USP34: variants seen among roughly 807,000 people sequenced by gnomAD.
USP34 encodes ubiquitin specific peptidase 34.
In USP34, 70 loss-of-function variants were observed where a neutral mutation model predicts 460.3. The observed-to-expected ratio is 0.15, with a 90% CI of 0.13 to 0.19. The LOEUF (loss-of-function observed/expected upper bound fraction) is 0.19, where lower values mean the gene tolerates loss of function less well. Ranked by LOEUF, USP34 falls within the 10% of genes least tolerant of loss-of-function variation. The pLI, the probability that USP34 is intolerant of heterozygous loss-of-function variation, is 1.00. For synonymous variants in USP34, 1,647 were observed against 1,405.3 expected, an observed-to-expected ratio of 1.17 and a Z score of -3.85; for missense variants, 3,985 against 4,236.2, an observed-to-expected ratio of 0.94 and a Z score of 1.65.
Position 61,236,035 on chromosome 2 carries a change from A to G in USP34, c.6957T>C (p.Ser2319=), listed in dbSNP as rs202150039. ...AGTAGAAAACACATACCTTTTCTTT[A>G]GAATGAATAAATGTCTCTAGGACAA... The part of the protein sequence containing the change: ...TSFVLETFIH[S]KEKPTMLQWI... Residue 2319 remains serine (S), a synonymous_variant, in exon 56 of 80, where the codon TCT becomes TCC. Transcript: ENST00000398571. 4.4e-6 allele frequency: 7 copies of G among 1,606,070 alleles called. 1 individual carries two copies. The highest frequency in any genetic ancestry group is 1.1e-5 in the South Asian group (1 of 88,878).
chr2:61,426,592 C>T (rs1433770859), intron 1 of USP34, among the ~76,000 whole-genome samples: 1 of 152,236 alleles, frequency 6.6e-6, no homozygotes, highest in Non-Finnish European at 1.5e-5. Context: ...AGTATCTTAA[C>T]TCCCAGACAA....
chr2:61,226,994 C>T (rs1414724108), intron 62 of USP34, 73 bp downstream of exon 62: 1 of 1,482,482 alleles, frequency 6.7e-7, no homozygotes, highest in African/African-American at 1.4e-5. Context: ...AGTGGAAAAA[C>T]TAGTGGTAAA....
At chr2:61,216,290 T>C (rs1219091474) in intron 67 of USP34, among the ~76,000 whole-genome samples, 4 of 152,194 alleles carry the variant, frequency 2.6e-5, no homozygotes, top group Admixed American at 2.0e-4. Flanking sequence ...TCAAGAAAAG[T>C]AATTTACGAT....
intron 62 of USP34, 156 bp from the exon 63 acceptor site, chr2:61,223,452 C>T (rs542123013): frequency 7.9e-4 from 567 of 721,612 alleles, no homozygotes; most frequent in Non-Finnish European, 1.1e-3. Context: ...TGCTAAATGT[C>T]TTTTGGGCAA....
At chr2:61,313,230 T>G (rs541261717) in intron 25 of USP34, among the ~76,000 whole-genome samples, 2 of 152,182 alleles carry the variant, frequency 1.3e-5, no homozygotes, top group East Asian at 3.9e-4. Flanking sequence ...ATCAAGGACA[T>G]AACAATTTTT....
chr2:61,344,861 G>A (rs1691716235), intron 15 of USP34, among the ~76,000 whole-genome samples: 1 of 152,186 alleles, frequency 6.6e-6, no homozygotes, highest in Admixed American at 6.5e-5. Context: ...GATATTTTTG[G>A]TTGTCAAAAC....
At position 61,315,642 on chromosome 2, in the gene USP34, T is replaced by C. The variant is rs192263654; in HGVS notation, c.3283-668A>G. Among the ~76,000 whole-genome samples, 360 of 151,870 alleles carry C rather than the reference T, an allele frequency of 2.4e-3. 3 individuals carry two copies. Among genetic ancestry groups the C allele is most frequent in the African/African-American group, 7.1e-3 (294 of 41,412 alleles). ...CACCCGCCTCAGCCTCTCAAAGAGGTGGAATTACAGGTGTGAGCCACTGCG... is the reference window on the plus strand; with the variant it reads ...CACCCGCCTCAGCCTCTCAAAGAGGCGGAATTACAGGTGTGAGCCACTGCG... On this transcript the variant is annotated intron_variant, in intron 23 of 79. Transcript: ENST00000398571.
chr2:61,257,766 G>A (rs763764021), intron 44 of USP34, among the ~76,000 whole-genome samples: 13 of 152,046 alleles, frequency 8.6e-5, no homozygotes, highest in Non-Finnish European at 1.8e-4. Context: ...AACTAGCTGG[G>A]TGCGGTTGCG....
intron 43 of USP34, among the ~76,000 whole-genome samples, chr2:61,263,004 G>A (rs143652819): frequency 3.1e-4 from 47 of 151,512 alleles, no homozygotes; most frequent in African/African-American, 1.1e-3. Context: ...GTCTGTTCAT[G>A]TCCTTTGTCC....
chr2:61,247,741 T>A (rs553706305), intron 49 of USP34, among the ~76,000 whole-genome samples: 2 of 152,294 alleles, frequency 1.3e-5, no homozygotes, highest in African/African-American at 4.8e-5. Context: ...AATGTATACA[T>A]ACAATGCCCA....
At chr2:61,393,429 T>TAA (rs33954205) in intron 5 of USP34, among the ~76,000 whole-genome samples, 46,648 of 129,382 alleles carry the variant, frequency 0.36, 8,176 homozygotes, top group Admixed American at 0.4. Flanking sequence ...AGACTCCGTC[T>TAA]AAAAAAAAAA....
chr2:61,398,350 G>T (rs1693601084), intron 3 of USP34, among the ~76,000 whole-genome samples: 1 of 151,452 alleles, frequency 6.6e-6, no homozygotes. Context: ...ATGAGTGACA[G>T]AGTGAGACCT....
intron 67 of USP34, 142 bp from the exon 68 acceptor site, chr2:61,214,836 T>C (rs1687355008): frequency 1.0e-6 from 1 of 978,326 alleles, no homozygotes; most frequent in African/African-American, 1.7e-5. Flanking sequence ...AGTATCTTTC[T>C]GCTTTCCCCT....
chr2:61,251,677 C>CT (rs1293406343), intron 48 of USP34, among the ~76,000 whole-genome samples: 2 of 152,084 alleles, frequency 1.3e-5, no homozygotes, highest in African/African-American at 4.8e-5. Context: ...TTTGTGTGCT[C>CT]TTAAAAATCA....
intron 10 of USP34, among the ~76,000 whole-genome samples, chr2:61,367,325 C>T (rs1054689987): frequency 2.7e-5 from 4 of 150,504 alleles, no homozygotes; most frequent in Non-Finnish European, 6.0e-5. Flanking sequence ...CACACACGCG[C>T]GCGCACACAC....
intron 20 of USP34, 96 bp from the exon 21 acceptor site, chr2:61,325,553 T>C: frequency 1.5e-6 from 1 of 653,278 alleles, no homozygotes; most frequent in Non-Finnish European, 2.3e-6. Context: ...CCAAAAATTG[T>C]TTTAATAATT....
chr2:61,259,772 G>A lies in USP34; in HGVS notation c.5783C>T (p.Ser1928Leu). The A allele has an allele frequency of 6.2e-6, 10 of 1,612,560 alleles. No homozygotes were observed. The highest frequency in any genetic ancestry group is 7.6e-6 in the Non-Finnish European group (9 of 1,179,668). The part of the protein sequence containing the change: ...ARQAVFTAKY[S>L]EDMKHKTTLL... ...AGTGGTCTTGTGCTTCATATCCTCT[G>A]AATACTGAAAATCAAGAGAAAACAC... The change falls in exon 44 of 80, where the codon TCA (serine) becomes TTA (leucine). Residue 1928 changes from serine (S) to leucine (L), a missense_variant. By Grantham distance (145) the Ser-to-Leu change is moderately radical. Around this residue, in one of 14 missense-constraint regions of USP34, gnomAD observed 145 missense variants for 291.6 expected, o/e 0.50. Coordinates refer to ENST00000398571, the MANE Select transcript of USP34 (RefSeq NM_014709.4).
chr2:61,292,675 CAAAA>C (rs771344467), intron 33 of USP34, among the ~76,000 whole-genome samples: 4 of 151,956 alleles, frequency 2.6e-5, no homozygotes, highest in Admixed American at 1.3e-4. Context: ...CAAAACAAAA[CAAAA>C]AACCACAGGA....
chr2:61,356,471 A>C (rs1014515687), intron 10 of USP34, among the ~76,000 whole-genome samples: 1 of 108,004 alleles, frequency 9.3e-6, no homozygotes, highest in Non-Finnish European at 2.1e-5. Flanking sequence ...GCCTGGGTGA[A>C]AGCGCACACA....
Sources: gnomAD v4.1 joint callset for allele counts (sites outside exome capture counted in the v4.1 genomes callset) on GRCh38, gnomAD v4.1.1 for gene constraint, gnomAD v4.1.1 regional missense constraint, MANE v1.5 for transcripts, NCBI Gene and HGNC (gene_info 2026-07-23, HGNC 2026-07-21) for gene names.